FOXJ3: variants seen among roughly 807,000 people sequenced by gnomAD.
FOXJ3 encodes the protein forkhead box J3.
A neutral mutation model predicts 76.1 loss-of-function variants in FOXJ3; 22 were observed. That is an observed-to-expected ratio of 0.29 (90% CI 0.21 to 0.41). The LOEUF (loss-of-function observed/expected upper bound fraction) is 0.41. FOXJ3 is among the 10% of genes least tolerant of loss of function. The probability of loss-of-function intolerance (pLI) is 1.00; values close to 1 mark genes in which losing one functional copy is unlikely to be tolerated. For synonymous variants in FOXJ3, 269 were observed against 261.2 expected, an observed-to-expected ratio of 1.03 and a Z score of -0.29; for missense variants, 613 against 762.1, an observed-to-expected ratio of 0.80 and a Z score of 2.30.
intron 1 of FOXJ3, chr1:42,333,995 C>A: frequency 5.6e-6 from 1 of 180,162 alleles, no homozygotes; most frequent in Non-Finnish European, 1.1e-5. Context: ...CTAACTCCTT[C>A]AGGAATTAGA....
At chr1:42,207,370 T>A (rs1464660157) in intron 5 of FOXJ3, among the ~76,000 whole-genome samples, 1 of 152,226 alleles carries the variant, frequency 6.6e-6, no homozygotes, top group Non-Finnish European at 1.5e-5. Flanking sequence ...TAAATATACC[T>A]CATATGTACT....
At chr1:42,300,226 AT>A (rs1246378645) in intron 2 of FOXJ3, among the ~76,000 whole-genome samples, 2 of 152,078 alleles carry the variant, frequency 1.3e-5, no homozygotes, top group Non-Finnish European at 2.9e-5. Context: ...AGAGATATAG[AT>A]ATGTGAGGTT....
intron 1 of FOXJ3, among the ~76,000 whole-genome samples, chr1:42,314,370 C>A (rs1190906315): frequency 6.6e-6 from 1 of 152,194 alleles, no homozygotes; most frequent in East Asian, 1.9e-4. Flanking sequence ...CCTGTCTCAG[C>A]CTCTCAAGTA....
intron 11 of FOXJ3, among the ~76,000 whole-genome samples, chr1:42,184,363 T>A (rs1310164476): frequency 6.6e-6 from 1 of 152,126 alleles, no homozygotes; most frequent in Non-Finnish European, 1.5e-5. Flanking sequence ...GAGAAAGAAT[T>A]ACAGGATTAT....
At chr1:42,230,203 T>C (rs1647961609) in intron 4 of FOXJ3, among the ~76,000 whole-genome samples, 1 of 152,174 alleles carries the variant, frequency 6.6e-6, no homozygotes, top group Non-Finnish European at 1.5e-5. Context: ...CACCAAACAG[T>C]TCAGGCTAAC....
chr1:42,237,669 T>C (rs924146212), intron 4 of FOXJ3, among the ~76,000 whole-genome samples: 2 of 151,874 alleles, frequency 1.3e-5, no homozygotes, highest in Admixed American at 6.6e-5. Context: ...TTACGATATG[T>C]GCTTTATATC....
At position 42,328,676 on chromosome 1, in the gene FOXJ3, ATTTTTT is replaced by A. The variant is rs35507698; in HGVS notation, c.-18+6377_-18+6382del. ...CATATCACATATTCATACTTATCCT[ATTTTTT>A]TTTTTTTTTTTTTTTGAGACAATGT... On this transcript the variant is annotated intron_variant, in intron 1 of 12. Coordinates refer to ENST00000361346, the MANE Select transcript of FOXJ3 (RefSeq NM_014947.5). 1.5e-3 allele frequency among the ~76,000 whole-genome samples: 172 copies of A among 115,122 alleles called. 1 individual carries two copies. The highest frequency in any genetic ancestry group is 4.5e-3 in the Middle Eastern group (1 of 220). The allele number at this position is 115,122 out of a possible 152,430, so 75.5% of individuals were successfully genotyped here. A position where few individuals can be genotyped will look rare whatever the true frequency, so the allele number is the denominator to read the frequency against.
chr1:42,240,538 A>G (rs1649051927), intron 4 of FOXJ3, among the ~76,000 whole-genome samples: 1 of 152,220 alleles, frequency 6.6e-6, no homozygotes, highest in African/African-American at 2.4e-5. Flanking sequence ...CTGATCCGAC[A>G]GTCTAGAAGT....
intron 5 of FOXJ3, among the ~76,000 whole-genome samples, chr1:42,215,500 T>A (rs1647047342): frequency 6.6e-6 from 1 of 152,020 alleles, no homozygotes; most frequent in South Asian, 2.1e-4. Context: ...CTAATGTATA[T>A]CTGTGATTTC....
intron 9 of FOXJ3, among the ~76,000 whole-genome samples, chr1:42,190,474 C>G (rs1646519773): frequency 1.3e-5 from 2 of 152,198 alleles, no homozygotes; most frequent in Admixed American, 1.3e-4. Context: ...GGGGATTAAA[C>G]TAATATCCAA....
intron 5 of FOXJ3, among the ~76,000 whole-genome samples, chr1:42,226,917 G>C (rs1647616613): frequency 6.6e-6 from 1 of 152,174 alleles, no homozygotes; most frequent in Admixed American, 6.5e-5. Flanking sequence ...AAATTTATTT[G>C]ACAAGCATTT....
chr1:42,270,698 C>T (rs1651804097), intron 3 of FOXJ3, among the ~76,000 whole-genome samples: 1 of 152,006 alleles, frequency 6.6e-6, no homozygotes, highest in African/African-American at 2.4e-5. Context: ...TTAAAAACAC[C>T]GTCCCCAAAA....
chr1:42,204,368 T>C (rs1646820631), intron 6 of FOXJ3, among the ~76,000 whole-genome samples: 1 of 152,258 alleles, frequency 6.6e-6, no homozygotes, highest in South Asian at 2.1e-4. Flanking sequence ...CTAATACCAG[T>C]ATTCTGTCAT....
chr1:42,260,092 C>G (rs556489854), intron 4 of FOXJ3, among the ~76,000 whole-genome samples: 3 of 152,148 alleles, frequency 2.0e-5, no homozygotes, highest in Non-Finnish European at 4.4e-5. Flanking sequence ...ATCTTCTTTA[C>G]AAAAATCATG....
At chr1:42,206,763 T>C (rs956558251) in intron 5 of FOXJ3, among the ~76,000 whole-genome samples, 1 of 152,208 alleles carries the variant, frequency 6.6e-6, no homozygotes, top group African/African-American at 2.4e-5. Flanking sequence ...TTTCAAAATA[T>C]ACAATCAATT....
At chr1:42,191,786 T>G (rs1245719003) in intron 8 of FOXJ3, 67 bp from the exon 9 acceptor site, 2 of 1,535,536 alleles carry the variant, frequency 1.3e-6, no homozygotes, top group Admixed American at 3.5e-5. Flanking sequence ...ATTTGTAAAA[T>G]TATTAACATA....
chr1:42,312,338 A>C (rs550857564), intron 1 of FOXJ3, among the ~76,000 whole-genome samples: 1 of 152,186 alleles, frequency 6.6e-6, no homozygotes, highest in Non-Finnish European at 1.5e-5. Context: ...GCTTACAGGT[A>C]TAAGCGACTG....
At chr1:42,320,581 A>G (rs1655373001) in intron 1 of FOXJ3, among the ~76,000 whole-genome samples, 1 of 152,228 alleles carries the variant, frequency 6.6e-6, no homozygotes, top group Non-Finnish European at 1.5e-5. Context: ...AGTATATGAA[A>G]TTAGATCACA....
chr1:42,237,911 T>TACAC (rs60804378), intron 4 of FOXJ3, among the ~76,000 whole-genome samples: 128 of 150,718 alleles, frequency 8.5e-4, no homozygotes, highest in East Asian at 5.9e-3. Context: ...TCTATCAAAA[T>TACAC]ACACACACAC....
Sources: allele counts gnomAD v4.1 joint callset (sites outside exome capture counted in the v4.1 genomes callset), GRCh38; gene constraint gnomAD v4.1.1; transcripts MANE v1.5; gene names NCBI Gene and HGNC (gene_info 2026-07-23, HGNC 2026-07-21).